The following ARB2A variants were observed in gnomAD, a reference collection of about 807,000 sequenced individuals.
ARB2A encodes ARB2 cotranscriptional regulator A.
the ARB2A span, among the ~76,000 whole-genome samples, chr5:93,767,799 C>G: frequency 6.6e-6 from 1 of 151,598 alleles, no homozygotes; most frequent in Non-Finnish European, 1.5e-5. Context: ...TGGAGACCAT[C>G]CTGGCTAACA....
At chr5:93,683,660 C>G in the ARB2A span, 1 of 1,602,894 alleles carries the variant, frequency 6.2e-7, no homozygotes, top group Non-Finnish European at 8.5e-7. Flanking sequence ...AGTTCACAAC[C>G]GAAAAGATAG....
the ARB2A span, among the ~76,000 whole-genome samples, chr5:93,823,387 A>G: frequency 2.0e-5 from 3 of 152,182 alleles, no homozygotes; most frequent in Non-Finnish European, 2.9e-5. Context: ...TTCTATGATC[A>G]AGCAATGCAT....
At chr5:94,051,055 GT>G in the ARB2A span, among the ~76,000 whole-genome samples, 10 of 152,010 alleles carry the variant, frequency 6.6e-5, no homozygotes, top group Non-Finnish European at 1.0e-4. Flanking sequence ...TGACCTTCAT[GT>G]CTCTAATCTA....
At chr5:94,012,447 T>C in the ARB2A span, among the ~76,000 whole-genome samples, 57 of 152,266 alleles carry the variant, frequency 3.7e-4, no homozygotes, top group African/African-American at 1.3e-3. Context: ...AAATTAGCGA[T>C]TGTGACAGGA....
chr5:93,693,575 CAA>C, the ARB2A span, among the ~76,000 whole-genome samples: 1 of 151,412 alleles, frequency 6.6e-6, no homozygotes, highest in Non-Finnish European at 1.5e-5. Context: ...GCCTACCAAC[CAA>C]AAAAAAAAGT....
the ARB2A span, among the ~76,000 whole-genome samples, chr5:93,660,212 T>C: frequency 1.3e-5 from 2 of 152,132 alleles, no homozygotes; most frequent in Non-Finnish European, 2.9e-5. Flanking sequence ...ATTGCTGTCA[T>C]TTAGAGATGA....
the ARB2A span, among the ~76,000 whole-genome samples, chr5:94,047,579 C>A: frequency 6.6e-6 from 1 of 151,938 alleles, no homozygotes; most frequent in Non-Finnish European, 1.5e-5. Flanking sequence ...TGAAAGCAGG[C>A]ATAGGAGGCA....
At chr5:93,999,502 CT>C in the ARB2A span, among the ~76,000 whole-genome samples, 1 of 151,840 alleles carries the variant, frequency 6.6e-6, no homozygotes, top group Non-Finnish European at 1.5e-5. Context: ...GAAAATGTTT[CT>C]TTTTTTAAGT....
chr5:93,862,090 T>C, the ARB2A span: 1 of 152,246 alleles, frequency 6.6e-6, no homozygotes, highest in Non-Finnish European at 1.5e-5. Context: ...GATTTATTAC[T>C]TCCTTGATTT....
chr5:93,927,488 G>GC, the ARB2A span, among the ~76,000 whole-genome samples: 1 of 152,056 alleles, frequency 6.6e-6, no homozygotes, highest in African/African-American at 2.4e-5. Flanking sequence ...ATTCTTCTCT[G>GC]CTCCTCAGTA....
At chr5:93,890,999 T>C in the ARB2A span, among the ~76,000 whole-genome samples, 1 of 152,260 alleles carries the variant, frequency 6.6e-6, no homozygotes, top group African/African-American at 2.4e-5. Flanking sequence ...CCTTGTCCCC[T>C]TCTCATTTCC....
chr5:93,650,309 C>T, the ARB2A span, among the ~76,000 whole-genome samples: 1 of 152,038 alleles, frequency 6.6e-6, no homozygotes, highest in African/African-American at 2.4e-5. Flanking sequence ...CTTTAACAGA[C>T]AAATTGAAAC....
the ARB2A span, among the ~76,000 whole-genome samples, chr5:94,015,743 T>C: frequency 2.6e-5 from 4 of 152,202 alleles, no homozygotes; most frequent in African/African-American, 9.6e-5. Flanking sequence ...TAATTTGCTA[T>C]AAGATTTTTT....
the ARB2A span, among the ~76,000 whole-genome samples, chr5:93,823,732 G>A: frequency 1.3e-5 from 2 of 152,112 alleles, no homozygotes; most frequent in Admixed American, 6.6e-5. Context: ...TGAGGCAGGC[G>A]GATGACGAGG....
chr5:94,056,897 G>T, the ARB2A span, among the ~76,000 whole-genome samples: 4 of 152,138 alleles, frequency 2.6e-5, no homozygotes, highest in African/African-American at 9.7e-5. Context: ...TTCTGGATAG[G>T]ATTAACATCT....
the ARB2A span, among the ~76,000 whole-genome samples, chr5:94,021,712 T>C: frequency 3.9e-5 from 6 of 152,136 alleles, no homozygotes; most frequent in Non-Finnish European, 7.3e-5. Flanking sequence ...CCCATGAGTA[T>C]AAGGTATGGT....
the ARB2A span, among the ~76,000 whole-genome samples, chr5:94,082,917 T>C: frequency 6.6e-6 from 1 of 152,206 alleles, no homozygotes; most frequent in African/African-American, 2.4e-5. Flanking sequence ...AACTACCATA[T>C]AAGTTACAGT....
the ARB2A span, among the ~76,000 whole-genome samples, chr5:94,028,993 G>A: frequency 6.6e-6 from 1 of 152,014 alleles, no homozygotes; most frequent in Non-Finnish European, 1.5e-5. Context: ...GGTGGCGGGG[G>A]GAGGGAGTGT....
chr5:93,907,087 G>A, the ARB2A span, among the ~76,000 whole-genome samples: 1 of 151,424 alleles, frequency 6.6e-6, no homozygotes, highest in African/African-American at 2.4e-5. Context: ...ATGCTACTGT[G>A]TATGGTAAAG....
Sources: allele counts gnomAD v4.1 joint callset (sites outside exome capture counted in the v4.1 genomes callset), GRCh38; gene constraint gnomAD v4.1.1; transcripts MANE v1.5; gene names NCBI Gene and HGNC (gene_info 2026-07-23, HGNC 2026-07-21).